Variants in SHANK2 observed in about 807,000 individuals in gnomAD.
SHANK2 encodes SH3 and multiple ankyrin repeat domains protein 2.
A neutral mutation model predicts 133.7 loss-of-function variants in SHANK2; 43 were observed. The ratio of observed to expected loss-of-function variants is 0.32; its 90% CI spans 0.25 to 0.41. The LOEUF (loss-of-function observed/expected upper bound fraction) is 0.41, where lower values mean the gene tolerates loss of function less well. Among genes scored for constraint, SHANK2 ranks in the 10% least tolerant of loss-of-function variants. The pLI, the probability that SHANK2 is intolerant of heterozygous loss-of-function variation, is 1.00. For missense variants in SHANK2, 1,994 were observed against 2,235.8 expected (o/e 0.89, Z 2.18); for synonymous variants, 1,017 against 952.8 (o/e 1.07, Z -1.24).
chr11:70,750,431 C>G (rs1555037260), intron 14 of SHANK2, among the ~76,000 whole-genome samples: 1 of 152,202 alleles, frequency 6.6e-6, no homozygotes, highest in Non-Finnish European at 1.5e-5. Context: ...GAGCTGTGGT[C>G]CACACATGTG....
At chr11:70,790,601 G>A (rs1416604856) in intron 14 of SHANK2, among the ~76,000 whole-genome samples, 1 of 152,238 alleles carries the variant, frequency 6.6e-6, no homozygotes, top group African/African-American at 2.4e-5. Flanking sequence ...GGGCGTTCCA[G>A]GCTGCTGGAC....
Position 70,950,434 on chromosome 11 carries a change from G to A in SHANK2, c.1108-53867C>T, listed in dbSNP as rs147437977. ...TCGAACTCCTGACCTCAGGTGATCC[G>A]CCCGCTTCAGCCCCCCAAAGTGCTG... On this transcript the variant is annotated intron_variant, in intron 10 of 25. Transcript: ENST00000601538. Among the ~76,000 whole-genome samples, 910 of 152,136 alleles carry A rather than the reference G, an allele frequency of 6.0e-3. 8 individuals carry two copies. Among genetic ancestry groups the A allele is most frequent in the African/African-American group, 0.021 (880 of 41,530 alleles).
chr11:71,195,668 G>A (rs1419658062), intron 2 of SHANK2, among the ~76,000 whole-genome samples: 1 of 152,080 alleles, frequency 6.6e-6, no homozygotes, highest in African/African-American at 2.4e-5. Context: ...ACTCTTAAAG[G>A]ATCATAAAAT....
rs140710527 is a variant in SHANK2, at chr11:70,817,170, C to T, written c.1493+3194G>A. ...CCTCCAACTCTCCATCCCACCTGGT[C>T]GCCTCGAAGGCAAATGCTCACCACT... On this transcript the variant is annotated intron_variant, in intron 12 of 25. Transcript: ENST00000601538. 2.6e-3 allele frequency among the ~76,000 whole-genome samples: 389 copies of T among 152,320 alleles called. 2 individuals are homozygous for T. The highest frequency in any genetic ancestry group is 9.1e-3 in the African/African-American group (380 of 41,580).
intron 17 of SHANK2, among the ~76,000 whole-genome samples, chr11:70,530,257 G>A (rs1280902554): frequency 6.6e-6 from 1 of 152,210 alleles, no homozygotes; most frequent in Non-Finnish European, 1.5e-5. Context: ...CGTGGCTCAT[G>A]CCTGTAATCT....
rs1313129515 is a variant in SHANK2, at chr11:71,075,263, C to T, written c.925G>A (p.Gly309Arg). The T allele has an allele frequency of 4.4e-5, 10 of 228,646 alleles. No homozygotes were observed. The East Asian group carries it at 5.8e-4, about 13-fold the overall frequency. 14.2% of individuals were successfully genotyped at this position (228,646 alleles called of 1,614,324 possible). The change falls in exon 9 of 26, where the codon GGG (glycine) becomes AGG (arginine). Residue 309 changes from glycine to arginine, a missense_variant. Gly to Arg is a moderately radical substitution (Grantham distance 125). Coordinates refer to ENST00000601538, the MANE Select transcript of SHANK2 (RefSeq NM_012309.5). ...AGGTGCTCCAGGTGCTGCACGTGCC[C>T]GTACCTGCAGGCCTGAAACACAGAA... is the stretch of plus-strand genomic sequence containing the variant. ...WHEIHQACRY[G>R]HVQHLEHLLF... is the part of the protein sequence containing the mutation.
At chr11:71,169,477 C>A (rs941264985) in intron 2 of SHANK2, among the ~76,000 whole-genome samples, 1 of 152,134 alleles carries the variant, frequency 6.6e-6, no homozygotes, top group Admixed American at 6.5e-5. Flanking sequence ...AAGCTGGGTG[C>A]GGTGGCTCAC....
At position 70,468,395 on chromosome 11, in the gene SHANK2, A is replaced by G. The variant is rs2058558868; in HGVS notation, c.*4474T>C. 6.6e-6 allele frequency: 1 copy of G among 152,232 alleles called. No homozygotes were observed. Among genetic ancestry groups the G allele is most frequent in the South Asian group, 2.1e-4 (1 of 4,824 alleles). The allele number at this position is 152,232 out of a possible 1,614,324, so 9.4% of individuals were successfully genotyped here. ...GCGGAAGTCTGAGAAACAAGTTTGG[A>G]AATTCTCTGATTCCCCACAAAGCAC... On this transcript the variant is annotated 3_prime_UTR_variant, in exon 26 of 26. Coordinates refer to ENST00000601538, the MANE Select transcript of SHANK2 (RefSeq NM_012309.5).
rs1418882165 is a variant in SHANK2, at chr11:70,804,860, C to A, written c.1663+2142G>T. 1.3e-5 allele frequency among the ~76,000 whole-genome samples: 2 copies of A among 152,170 alleles called. No individual in the cohort carries two copies. Among genetic ancestry groups the A allele is most frequent in the South Asian group, 2.1e-4 (1 of 4,824 alleles). On this transcript the variant is annotated intron_variant, in intron 13 of 25. Coordinates refer to ENST00000601538, the MANE Select transcript of SHANK2 (RefSeq NM_012309.5). This position sits in a 1 kb window ranked among gnomAD's most constrained non-coding sequence, Gnocchi z 4.1. Reference sequence around the variant, plus strand: ...ACTCGGATCCACTGATGGGGCTCATCACCGGCTCCCCCTCTCCCTTGAGCT... The same window carrying A: ...ACTCGGATCCACTGATGGGGCTCATAACCGGCTCCCCCTCTCCCTTGAGCT...
intron 1 of SHANK2, among the ~76,000 whole-genome samples, chr11:71,242,794 A>T (rs1954912608): frequency 6.6e-6 from 1 of 152,254 alleles, no homozygotes; most frequent in Admixed American, 6.5e-5. Context: ...TCTCAAGGGC[A>T]CGTGGAACAT....
chr11:71,172,614 A>AAAAAAAG (rs1389694715), intron 2 of SHANK2, among the ~76,000 whole-genome samples: 3 of 149,468 alleles, frequency 2.0e-5, no homozygotes, highest in African/African-American at 7.4e-5. Context: ...AAAAAAAAAG[A>AAAAAAAG]AAAAAAGAAA....
chr11:70,574,879 C>G (rs1554983904), intron 17 of SHANK2, among the ~76,000 whole-genome samples: 1 of 152,182 alleles, frequency 6.6e-6, no homozygotes, highest in Non-Finnish European at 1.5e-5. Context: ...CGCTGCCCGG[C>G]AAGCTTTCTT....
At chr11:70,498,651 G>A (rs1314475670) in intron 21 of SHANK2, among the ~76,000 whole-genome samples, 11 of 152,214 alleles carry the variant, frequency 7.2e-5, no homozygotes, top group Admixed American at 6.5e-4. Flanking sequence ...GAAAACCTGG[G>A]ATCACTAAGC....
intron 17 of SHANK2, among the ~76,000 whole-genome samples, chr11:70,617,867 T>C (rs190891908): frequency 1.4e-4 from 22 of 151,982 alleles, no homozygotes; most frequent in South Asian, 6.2e-4. Flanking sequence ...AGGGATAGCA[T>C]TGGGAGATAT....
At chr11:70,650,879 C>T (rs1555009950) in intron 17 of SHANK2, among the ~76,000 whole-genome samples, 1 of 152,222 alleles carries the variant, frequency 6.6e-6, no homozygotes, top group Admixed American at 6.5e-5. Flanking sequence ...GTCTTTCTTC[C>T]AGCCCAGTAC....
chr11:70,684,960 A>G (rs1425636967), intron 15 of SHANK2, among the ~76,000 whole-genome samples: 1 of 152,118 alleles, frequency 6.6e-6, no homozygotes, highest in Non-Finnish European at 1.5e-5. Flanking sequence ...TACTTTGTGC[A>G]TTTTGGCAGT....
rs140847455 is a variant in SHANK2, at chr11:70,657,247, C to T, written c.2061+2581G>A. 7.0e-4 allele frequency among the ~76,000 whole-genome samples: 107 copies of T among 152,228 alleles called. No individual in the cohort carries two copies. In the East Asian group the frequency reaches 0.018, roughly 26 times the overall value. ...TTCACGTGGAGACCTTGCACCTCAC[C>T]GGGAGCTCAGAAACCCCACTGACTC... On this transcript the variant is annotated intron_variant, in intron 17 of 25. Transcript: ENST00000601538.
rs782270184 is a variant in SHANK2 at position 70,487,628 on chromosome 11, G to A, written c.2665C>T (p.Pro889Ser). Residue 889 changes from proline to serine, a missense_variant, in exon 25 of 26, where the codon CCT (proline) becomes TCT (serine). Pro to Ser is a moderately conservative substitution (Grantham distance 74). This residue lies in a region of SHANK2 where 488 missense variants were observed against 642.6 expected (regional missense o/e 0.76). Transcript: ENST00000601538. This position sits in a 1 kb window ranked among gnomAD's most constrained non-coding sequence, Gnocchi z 5.8. ...SMPDTSEDIP[P>S]PPQSVPPSPP... ...GACGGGGGCACAGACTGCGGTGGAG[G>A]GGGGATGTCCTCAGAGGTGTCCGGC... The A allele has an allele frequency of 3.7e-6, 6 of 1,605,710 alleles. No individual in the cohort carries two copies.
At chr11:70,735,196 G>T (rs1210863315) in intron 14 of SHANK2, among the ~76,000 whole-genome samples, 1 of 152,202 alleles carries the variant, frequency 6.6e-6, no homozygotes, top group African/African-American at 2.4e-5. Context: ...CCCAAGAGAG[G>T]CGGCGGGGAC....
Sources: allele counts gnomAD v4.1 joint callset (sites outside exome capture counted in the v4.1 genomes callset), GRCh38; gene constraint gnomAD v4.1.1; regional missense constraint gnomAD v4.1.1; non-coding constraint Gnocchi (gnomAD v3.1); transcripts MANE v1.5; gene names NCBI Gene and HGNC (gene_info 2026-07-23, HGNC 2026-07-21).